Variants in SEC14L6 observed in about 807,000 individuals in gnomAD.
SEC14L6 encodes SEC14 like lipid binding 6, also known as SEC14-like protein 6.
In SEC14L6, 40 loss-of-function variants were observed where a neutral mutation model predicts 54.1. The observed-to-expected ratio is 0.74, with a 90% CI of 0.57 to 0.96. The LOEUF is 0.96. Among genes scored for constraint, SEC14L6 ranks in the 40% least tolerant of loss-of-function variants. The probability of loss-of-function intolerance (pLI) is 0.00; values close to 1 mark genes in which losing one functional copy is unlikely to be tolerated. For synonymous variants in SEC14L6, 171 were observed against 198.4 expected (o/e 0.86, Z 1.16); for missense variants, 471 against 498.3 (o/e 0.95, Z 0.52).
rs1221461115 is a variant in SEC14L6 at position 30,525,668 on chromosome 22, C to G, written c.854G>C (p.Gly285Ala). 6.2e-7 allele frequency: 1 copy of G among 1,612,324 alleles called. No individual in the cohort carries two copies. The highest frequency in any genetic ancestry group is 2.2e-5 in the East Asian group (1 of 44,846). The change falls in exon 10 of 12, where the codon GGC becomes GCC. Residue 285 changes from glycine to alanine, a missense_variant. By Grantham distance (60) the Gly-to-Ala change is moderately conservative. Transcript: ENST00000402034. ...RLQYEHTRSV[G>A]RGSSLQVENE... ...CTCCACCTGCAGGGAGGAGCCGCGG[C>G]CCACGGACCTCGTGTGCTCATACTG...
In SEC14L6 at chr22:30,525,030, G is replaced by T. The variant is rs920510969; in HGVS notation, c.1161C>A (p.Asp387Glu). The T allele has an allele frequency of 5.2e-6, 8 of 1,547,878 alleles. No homozygotes were observed. The highest frequency in any genetic ancestry group is 7.0e-6 in the Non-Finnish European group (8 of 1,144,634). The change falls in exon 12 of 12, where the codon GAC (aspartate) becomes GAA (glutamate). Residue 387 changes from aspartate (D) to glutamate (E), a missense_variant. Asp to Glu is a conservative substitution (Grantham distance 45, BLOSUM62 2). Coordinates refer to ENST00000402034, the MANE Select transcript of SEC14L6 (RefSeq NM_001193336.4). ...ISYTVEVLLP[D>E]QTFMEKMEKF ...TCTCCATCTTCTCCATGAAGGTTTGGTCTGGGAGCAGTACCTCCACGGTGT... is the reference window on the plus strand; with the variant it reads ...TCTCCATCTTCTCCATGAAGGTTTGTTCTGGGAGCAGTACCTCCACGGTGT...
chr22:30,529,091 G>A lies in SEC14L6; in HGVS notation c.660C>T (p.Leu220=), dbSNP rs560890129. The part of the protein sequence containing the change: ...SEETRRKVVI[L]GDNWKQELTK... Reference sequence around the variant, plus strand: ...GGCCGCAGAGGGCTCACTCACCTCCGAGAATCACCACCTTCCTGCGTGTCT... The same window carrying A: ...GGCCGCAGAGGGCTCACTCACCTCCAAGAATCACCACCTTCCTGCGTGTCT... Residue 220 remains leucine (L), a synonymous_variant, in exon 8 of 12, where the codon CTC becomes CTT. Transcript: ENST00000402034. 5.0e-5 allele frequency: 77 copies of A among 1,550,428 alleles called. No individual in the cohort carries two copies. In the African/African-American group the frequency reaches 6.4e-4, roughly 13 times the overall value.
At chr22:30,535,031 T>C (rs947168345) in intron 2 of SEC14L6, among the ~76,000 whole-genome samples, 1 of 69,536 alleles carries the variant, frequency 1.4e-5, no homozygotes, top group African/African-American at 5.6e-5. Flanking sequence ...TCTGTCCCTA[T>C]AAAAAGAAAA....
intron 1 of SEC14L6, chr22:30,544,030 A>G (rs2085771479): frequency 1.3e-6 from 2 of 1,564,824 alleles, no homozygotes; most frequent in Non-Finnish European, 1.8e-6. Flanking sequence ...GCTGGCCCCC[A>G]AGCCCGAGCT....
At chr22:30,532,351 C>G (rs1420890303) in intron 5 of SEC14L6, 174 bp downstream of exon 5, 1 of 941,240 alleles carries the variant, frequency 1.1e-6, no homozygotes, top group Non-Finnish European at 1.3e-6. Flanking sequence ...CCCAGTTCAG[C>G]CACATACTGT....
chr22:30,541,700 G>C (rs1601902187), intron 1 of SEC14L6, among the ~76,000 whole-genome samples: 1 of 151,990 alleles, frequency 6.6e-6, no homozygotes, highest in Non-Finnish European at 1.5e-5. Flanking sequence ...TGGGTGTGGT[G>C]TGCGTGCCTG....
In SEC14L6 at chr22:30,538,948, C is replaced by T. The variant is rs759657645; in HGVS notation, c.55-46G>A. 59 of 1,369,512 alleles carry T rather than the reference C, an allele frequency of 4.3e-5. 1 individual carries two copies. The highest frequency in any genetic ancestry group is 6.2e-5 in the South Asian group (5 of 80,058). 84.8% of individuals were successfully genotyped at this position (1,369,512 alleles called of 1,614,324 possible). On this transcript the variant is annotated intron_variant, in intron 1 of 11. Coordinates refer to ENST00000402034, the MANE Select transcript of SEC14L6 (RefSeq NM_001193336.4). ...ACCTGGGTCAGAGGCCAACCACCCT[C>T]GGTCCTGCAGGTCTCAACTGTCCTT...
chr22:30,541,415 T>C (rs577291102), intron 1 of SEC14L6, among the ~76,000 whole-genome samples: 102 of 152,310 alleles, frequency 6.7e-4, no homozygotes, highest in African/African-American at 2.5e-3. Flanking sequence ...TCCCAATACT[T>C]TGGGAAGCCG....
intron 1 of SEC14L6, 96 bp from the exon 2 acceptor site, chr22:30,538,998 A>G: frequency 1.2e-6 from 1 of 818,440 alleles, no homozygotes; most frequent in Non-Finnish European, 2.0e-6. Context: ...CTGAGTGAAG[A>G]GGTCCCACTC....
At chr22:30,544,334 C>G (rs557871250) in intron 1 of SEC14L6, 2 of 358,804 alleles carry the variant, frequency 5.6e-6, no homozygotes, top group Admixed American at 3.9e-5. Flanking sequence ...ACCTGGGAAG[C>G]GGCCAGAACT....
rs1242811069 is a variant in SEC14L6 at position 30,525,424 on chromosome 22, A to G, written c.1007T>C (p.Val336Ala). The G allele has an allele frequency of 1.2e-5, 19 of 1,614,118 alleles. No homozygotes were observed. The highest frequency in any genetic ancestry group is 1.6e-5 in the Non-Finnish European group (19 of 1,180,008). The change falls in exon 11 of 12, where the codon GTG becomes GCG. Residue 336 changes from valine to alanine, a missense_variant. By Grantham distance (64) the Val-to-Ala change is moderately conservative. Coordinates refer to ENST00000402034, the MANE Select transcript of SEC14L6 (RefSeq NM_001193336.4). ...GGCATTGTAGCGCTGGCTGGGCAGCACCTCTGTCATCTCCCTAGCCCTCTG... is the reference window on the plus strand; with the variant it reads ...GGCATTGTAGCGCTGGCTGGGCAGCGCCTCTGTCATCTCCCTAGCCCTCTG... Reference protein sequence around the residue: ...ERQRAREMTEVLPSQRYNAHM... With the variant: ...ERQRAREMTEALPSQRYNAHM...
At position 30,546,653 on chromosome 22, in the gene SEC14L6, T is replaced by C. The variant is rs1350355374; in HGVS notation, c.30A>G (p.Pro10=). The change falls in exon 1 of 12, where the codon CCA becomes CCG. Residue 10 remains proline (P), a synonymous_variant. Coordinates refer to ENST00000402034, the MANE Select transcript of SEC14L6 (RefSeq NM_001193336.4). Reference sequence around the variant, plus strand: ...CCTGGGCCAGCGACTTCTCCTGCGATGGGCTCAGGTCACCCACTTGTCCAC... The same window carrying C: ...CCTGGGCCAGCGACTTCTCCTGCGACGGGCTCAGGTCACCCACTTGTCCAC... MSGQVGDLS[P]SQEKSLAQFR... is the part of the protein sequence containing the mutation. 9.0e-6 allele frequency: 14 copies of C among 1,550,564 alleles called. No homozygotes were observed. Among genetic ancestry groups the C allele is most frequent in the Admixed American group, 2.0e-5 (1 of 51,004 alleles).
intron 2 of SEC14L6, among the ~76,000 whole-genome samples, chr22:30,534,789 C>T (rs1937092968): frequency 6.6e-6 from 1 of 152,092 alleles, no homozygotes. Flanking sequence ...TTTTTGGAGG[C>T]CAAGGTGGGC....
chr22:30,528,965 T>A, intron 8 of SEC14L6, 122 bp downstream of exon 8: 1 of 821,056 alleles, frequency 1.2e-6, no homozygotes, highest in Non-Finnish European at 1.9e-6. Flanking sequence ...CACCAGGCAG[T>A]GGGCCCTCAA....
intron 5 of SEC14L6, 97 bp downstream of exon 5, chr22:30,532,428 G>T: frequency 7.4e-7 from 1 of 1,355,408 alleles, no homozygotes. Flanking sequence ...GAGGAGCCGA[G>T]GAGCCCAGGA....
At position 30,543,196 on chromosome 22, in the gene SEC14L6, C is replaced by A. The variant is rs1601904511; in HGVS notation, c.54+3433G>T. 3 of 1,603,698 alleles carry A rather than the reference C, an allele frequency of 1.9e-6. No homozygotes were observed. The East Asian group carries it at 6.7e-5, about 36-fold the overall frequency. On this transcript the variant is annotated intron_variant, in intron 1 of 11. Transcript: ENST00000402034. ...AAGAGAGAGCGTGTCCTACAGCATCCACAGCACAGCCAATGTGGTGCTGAC... is the reference window on the plus strand; with the variant it reads ...AAGAGAGAGCGTGTCCTACAGCATCAACAGCACAGCCAATGTGGTGCTGAC...
At chr22:30,538,350 A>G (rs1467430655) in intron 2 of SEC14L6, among the ~76,000 whole-genome samples, 1 of 151,864 alleles carries the variant, frequency 6.6e-6, no homozygotes, top group Non-Finnish European at 1.5e-5. Context: ...AAAAAAAAAA[A>G]AGAAAGAAAG....
At position 30,532,572 on chromosome 22, in the gene SEC14L6, G is replaced by A. The variant is rs568733949; in HGVS notation, c.376C>T (p.Arg126Trp). The part of the protein sequence containing the change: ...SKQELLRDSF[R>W]SCELLLRECE... Reference sequence around the variant, plus strand: ...TCCCGCAGGAGCAGCTCGCAGCTCCGGAAGCTGTCCCTGAGCAACTCCTGT... The same window carrying A: ...TCCCGCAGGAGCAGCTCGCAGCTCCAGAAGCTGTCCCTGAGCAACTCCTGT... The change falls in exon 5 of 12, where the codon CGG becomes TGG. Residue 126 changes from arginine to tryptophan, a missense_variant. Coordinates refer to ENST00000402034, the MANE Select transcript of SEC14L6 (RefSeq NM_001193336.4). 1.4e-5 allele frequency: 21 copies of A among 1,550,424 alleles called. No individual in the cohort carries two copies. Among genetic ancestry groups the A allele is most frequent in the Non-Finnish European group, 1.7e-5 (20 of 1,146,976 alleles).
intron 1 of SEC14L6, 114 bp from the exon 2 acceptor site, chr22:30,539,016 G>A (rs2085650274): frequency 4.3e-6 from 3 of 693,056 alleles, no homozygotes; most frequent in Admixed American, 2.4e-5. Flanking sequence ...CTCGGGCTGG[G>A]AGGATCAGGG....
Sources: allele counts gnomAD v4.1 joint callset (sites outside exome capture counted in the v4.1 genomes callset), GRCh38; gene constraint gnomAD v4.1.1; transcripts MANE v1.5; gene names NCBI Gene and HGNC (gene_info 2026-07-23, HGNC 2026-07-21).